SSBP3: variants seen among roughly 807,000 people sequenced by gnomAD.
The protein encoded by SSBP3 is single-stranded DNA-binding protein 3.
In SSBP3, 5 loss-of-function variants were observed where a neutral mutation model predicts 69.6. The observed-to-expected ratio is 0.07, with a 90% CI of 0.04 to 0.15. SSBP3 has a LOEUF of 0.15. SSBP3 is among the 10% of genes least tolerant of loss of function. SSBP3 has a pLI of 1.00. For synonymous variants in SSBP3, 196 were observed against 193.4 expected, an observed-to-expected ratio of 1.01 and a Z score of -0.11; for missense variants, 312 against 534.0, an observed-to-expected ratio of 0.58 and a Z score of 4.10.
intron 3 of SSBP3, among the ~76,000 whole-genome samples, chr1:54,404,268 G>C (rs907317560): frequency 1.3e-5 from 2 of 152,194 alleles, no homozygotes; most frequent in African/African-American, 4.8e-5. Context: ...ATGCAGAATT[G>C]ACAAAAATCC....
intron 4 of SSBP3, among the ~76,000 whole-genome samples, chr1:54,400,372 A>C (rs1199471636): frequency 2.0e-5 from 3 of 152,092 alleles, no homozygotes; most frequent in Admixed American, 2.0e-4. Context: ...GTTTAGGAAA[A>C]AAACCATGCA....
Position 54,239,132 on chromosome 1 carries a change from G to C in SSBP3, c.924C>G (p.Ser308=), listed in dbSNP as rs139009912. 290 of 1,613,500 alleles carry C rather than the reference G, an allele frequency of 1.8e-4. 1 individual carries two copies. The African/African-American group carries it at 3.5e-3, about 19-fold the overall frequency. ...AATTATTAGAAAGCAGACTTACGTT[G>C]GACCGGCTGCCTCCAGGCGGCACTG... Residue 308 remains serine, a synonymous_variant, in exon 14 of 18, where the codon TCC becomes TCG. Coordinates refer to ENST00000610401, the Ensembl canonical transcript of SSBP3.
At chr1:54,249,035 G>C (rs1343827766) in intron 9 of SSBP3, among the ~76,000 whole-genome samples, 1 of 152,136 alleles carries the variant, frequency 6.6e-6, no homozygotes, top group African/African-American at 2.4e-5. Flanking sequence ...GGCCAGGAGA[G>C]TCTCACTGCA....
chr1:54,399,710 T>A (rs960257917), intron 4 of SSBP3, among the ~76,000 whole-genome samples: 1 of 152,160 alleles, frequency 6.6e-6, no homozygotes, highest in Non-Finnish European at 1.5e-5. Context: ...CAAGAAGGAA[T>A]GAAGGTTAAC....
intron 4 of SSBP3, among the ~76,000 whole-genome samples, chr1:54,370,566 G>A (rs143047602): frequency 3.7e-4 from 56 of 152,246 alleles, no homozygotes; most frequent in African/African-American, 1.3e-3. Context: ...TACTGGACAC[G>A]TGACTTTAGA....
chr1:54,371,355 G>C (rs971670633), intron 4 of SSBP3, among the ~76,000 whole-genome samples: 1 of 152,218 alleles, frequency 6.6e-6, no homozygotes, highest in African/African-American at 2.4e-5. Flanking sequence ...AGCGTGTGTG[G>C]ATGCCATGTG....
At chr1:54,252,515 G>A (rs977954304) in intron 7 of SSBP3, among the ~76,000 whole-genome samples, 1 of 150,674 alleles carries the variant, frequency 6.6e-6, no homozygotes, top group African/African-American at 2.4e-5. Context: ...CCCAGCCCCG[G>A]GGCGGGACAG....
At chr1:54,338,487 C>A (rs1042313044) in intron 4 of SSBP3, among the ~76,000 whole-genome samples, 1 of 152,166 alleles carries the variant, frequency 6.6e-6, no homozygotes, top group Non-Finnish European at 1.5e-5. Context: ...CGACCCCTAA[C>A]CCCACTTTCT....
intron 4 of SSBP3, among the ~76,000 whole-genome samples, chr1:54,297,037 G>A (rs1172303497): frequency 6.6e-6 from 1 of 152,296 alleles, no homozygotes; most frequent in South Asian, 2.1e-4. Flanking sequence ...CTGGTGACAC[G>A]AACAGTTAAG....
intron 4 of SSBP3, among the ~76,000 whole-genome samples, chr1:54,396,824 G>A (rs1202782597): frequency 2.0e-5 from 3 of 147,548 alleles, no homozygotes; most frequent in East Asian, 2.2e-4. Context: ...CCCACCTCCC[G>A]CCTTGAAATA....
At position 54,322,910 on chromosome 1, in the gene SSBP3, G is replaced by A. The variant is rs181627712; in HGVS notation, c.277-41383C>T. ...CTCAAACTGCCCCAGGCACTTACAG[G>A]GGGGCTGGGAATAAAAAGCCGTAAT... On this transcript the variant is annotated intron_variant, in intron 4 of 17. Coordinates refer to ENST00000610401, the Ensembl canonical transcript of SSBP3. 3.3e-5 allele frequency among the ~76,000 whole-genome samples: 5 copies of A among 152,186 alleles called. No individual in the cohort carries two copies. The South Asian group carries it at 1.0e-3, about 31-fold the overall frequency.
intron 14 of SSBP3, among the ~76,000 whole-genome samples, chr1:54,231,558 T>C (rs1054954265): frequency 6.6e-6 from 1 of 152,258 alleles, no homozygotes; most frequent in Admixed American, 6.5e-5. Flanking sequence ...CTTTTGCTAC[T>C]TGTGCTTTTG....
At chr1:54,244,017 C>T (rs1020213874) in intron 9 of SSBP3, among the ~76,000 whole-genome samples, 7 of 152,160 alleles carry the variant, frequency 4.6e-5, no homozygotes. Flanking sequence ...GCAGCCTTGA[C>T]CTCCTGGGCT....
intron 4 of SSBP3, among the ~76,000 whole-genome samples, chr1:54,328,268 C>T (rs1482784864): frequency 6.6e-6 from 1 of 152,206 alleles, no homozygotes; most frequent in African/African-American, 2.4e-5. Flanking sequence ...ACACGCACGA[C>T]CCTGCCTGAG....
intron 4 of SSBP3, among the ~76,000 whole-genome samples, chr1:54,339,681 G>T (rs1167875472): frequency 6.6e-6 from 1 of 152,148 alleles, no homozygotes; most frequent in Non-Finnish European, 1.5e-5. Context: ...GGGAGGCTGA[G>T]GCAGGTAGTT....
chr1:54,338,236 C>T (rs1340439198), intron 4 of SSBP3, among the ~76,000 whole-genome samples: 1 of 152,216 alleles, frequency 6.6e-6, no homozygotes, highest in African/African-American at 2.4e-5. Context: ...GCTGCATAGC[C>T]GGCACCTACG....
In SSBP3 at chr1:54,258,978, G is replaced by A. The variant is rs1280537773; in HGVS notation, c.367-829C>T. ...AGAGCTGGGATGAGAAGCCCCATGG[G>A]TCCAAGGCCCATCTCCAGCCCTGAA... is the stretch of plus-strand genomic sequence containing the variant. On this transcript the variant is annotated intron_variant, in intron 5 of 17. Coordinates refer to ENST00000610401, the Ensembl canonical transcript of SSBP3. This position sits in a 1 kb window ranked among gnomAD's most constrained non-coding sequence, Gnocchi z 4.5. Among the ~76,000 whole-genome samples, 1 of 152,190 alleles carries A rather than the reference G, an allele frequency of 6.6e-6. No homozygotes were observed. Among genetic ancestry groups the A allele is most frequent in the East Asian group, 1.9e-4 (1 of 5,186 alleles).
chr1:54,366,390 A>G (rs1199725765), intron 4 of SSBP3, among the ~76,000 whole-genome samples: 2 of 152,196 alleles, frequency 1.3e-5, no homozygotes, highest in Non-Finnish European at 2.9e-5. Context: ...CTCTAGGACT[A>G]TCACCCCAAG....
intron 4 of SSBP3, among the ~76,000 whole-genome samples, chr1:54,285,674 C>G (rs967048550): frequency 6.6e-6 from 1 of 151,992 alleles, no homozygotes; most frequent in Non-Finnish European, 1.5e-5. Context: ...TGGTTTCCAA[C>G]TTTGAGCTGG....
Sources: allele counts gnomAD v4.1 joint callset (sites outside exome capture counted in the v4.1 genomes callset), GRCh38; gene constraint gnomAD v4.1.1; non-coding constraint Gnocchi (gnomAD v3.1); transcripts MANE v1.5; gene names NCBI Gene and HGNC (gene_info 2026-07-23, HGNC 2026-07-21).